NHSL1: variants seen among roughly 807,000 people sequenced by gnomAD.
NHSL1 encodes the protein NHS like 1.
Under a neutral mutation model 95.0 loss-of-function variants are expected in NHSL1, and 48 were observed. The ratio of observed to expected loss-of-function variants is 0.51; its 90% CI spans 0.40 to 0.64. The LOEUF is 0.64. Among genes scored for constraint, NHSL1 ranks in the 30% least tolerant of loss-of-function variants. The probability of loss-of-function intolerance (pLI) is 0.00; values close to 1 mark genes in which losing one functional copy is unlikely to be tolerated. For missense variants in NHSL1, 1,971 were observed against 2,077.7 expected (o/e 0.95, Z 1.00); for synonymous variants, 783 against 833.9 (o/e 0.94, Z 1.05).
intron 1 of NHSL1, among the ~76,000 whole-genome samples, chr6:138,626,866 C>T (rs1345953077): frequency 1.7e-5 from 1 of 58,980 alleles, no homozygotes; most frequent in African/African-American, 1.0e-4. Context: ...TGCACTCCAG[C>T]CTGGGCGACA....
At chr6:138,565,422 G>C (rs1367336902) in intron 1 of NHSL1, among the ~76,000 whole-genome samples, 1 of 152,004 alleles carries the variant, frequency 6.6e-6, no homozygotes, top group Non-Finnish European at 1.5e-5. Flanking sequence ...TTGTATCTTA[G>C]GAAGATCACT....
intron 1 of NHSL1, among the ~76,000 whole-genome samples, chr6:138,519,888 T>C (rs1781604595): frequency 6.6e-6 from 1 of 152,192 alleles, no homozygotes. Context: ...GAGCCATCCC[T>C]TAAAAAGTTG....
intron 2 of NHSL1, among the ~76,000 whole-genome samples, chr6:138,477,443 A>G (rs1004984979): frequency 6.6e-6 from 1 of 152,106 alleles, no homozygotes; most frequent in East Asian, 1.9e-4. Flanking sequence ...CTAGAAAAAA[A>G]TTCTTTTTAA....
In NHSL1 at chr6:138,473,316, G is replaced by A. The variant is rs948960939; in HGVS notation, c.329C>T (p.Thr110Ile). The A allele has an allele frequency of 3.9e-6, 6 of 1,544,044 alleles. No individual in the cohort carries two copies. The highest frequency in any genetic ancestry group is 5.2e-6 in the Non-Finnish European group (6 of 1,144,338). ...CDDYQDEDEETDQKCSLSSSE... is the reference protein window; with the variant it reads ...CDDYQDEDEEIDQKCSLSSSE... The stretch of plus-strand genomic sequence containing the variant: ...AACTTTGAAGCTTACCTTTTGATCT[G>A]TTTCTTCATCTTCATCTTGGTAATC... Residue 110 changes from threonine (T) to isoleucine (I), a missense_variant, in exon 3 of 8, where the codon ACA becomes ATA. Physicochemically the swap from Thr to Ile is moderately conservative, Grantham distance 89. This residue lies in a region of NHSL1 where 1,602 missense variants were observed against 1,654.5 expected (regional missense o/e 0.97). Transcript: ENST00000343505.
At chr6:138,493,454 C>G (rs1362351505) in intron 2 of NHSL1, among the ~76,000 whole-genome samples, 1 of 152,140 alleles carries the variant, frequency 6.6e-6, no homozygotes, top group Non-Finnish European at 1.5e-5. Flanking sequence ...TTCAGTTTTT[C>G]AAGGGGAGAA....
At chr6:138,654,276 A>C (rs565842689) in intron 1 of NHSL1, among the ~76,000 whole-genome samples, 102 of 152,346 alleles carry the variant, frequency 6.7e-4, no homozygotes, top group African/African-American at 2.3e-3. Context: ...GCTTGCAAAA[A>C]AAATTAACTG....
intron 2 of NHSL1, among the ~76,000 whole-genome samples, chr6:138,481,966 T>TCTAAAAGTA (rs1385337903): frequency 4.6e-5 from 7 of 152,182 alleles, no homozygotes; most frequent in African/African-American, 1.7e-4. Context: ...TTCTAAAAGT[T>TCTAAAAGTA]CTAAAAGTAA....
At position 138,552,349 on chromosome 6, in the gene NHSL1, G is replaced by A. The variant is rs547948873; in HGVS notation, c.202+19361C>T. 7.2e-5 allele frequency among the ~76,000 whole-genome samples: 11 copies of A among 152,252 alleles called. No individual in the cohort carries two copies. The South Asian group carries it at 2.1e-3, about 29-fold the overall frequency. ...GCAGGGGAATCGCTTGAACCCGGGA[G>A]GTGGAGGTTGCAGTGAGCTGAGATC... On this transcript the variant is annotated intron_variant, in intron 1 of 6. Transcript: ENST00000427025.
chr6:138,576,703 AC>A (rs1316041552), upstream of NHSL1, among the ~76,000 whole-genome samples: 1 of 152,096 alleles, frequency 6.6e-6, no homozygotes, highest in East Asian at 1.9e-4. Flanking sequence ...TTTGGCCAGC[AC>A]CCCCCTCCTT....
At chr6:138,489,903 A>G (rs1194448710) in intron 2 of NHSL1, among the ~76,000 whole-genome samples, 4 of 77,390 alleles carry the variant, frequency 5.2e-5, no homozygotes, top group Admixed American at 3.0e-4. Context: ...AGAGGGAGAG[A>G]GCGAGAGGGG....
chr6:138,666,351 A>G (rs1040188534), intron 1 of NHSL1, among the ~76,000 whole-genome samples: 36 of 152,198 alleles, frequency 2.4e-4, no homozygotes, highest in African/African-American at 8.2e-4. Context: ...CTGTAATCCC[A>G]GCACTTTGGG....
chr6:138,476,957 TAAAAAAAAAAAAAA>T (rs58311101), intron 2 of NHSL1, among the ~76,000 whole-genome samples: 13 of 100,512 alleles, frequency 1.3e-4, no homozygotes, highest in African/African-American at 4.1e-4. Flanking sequence ...TCCCTGAATC[TAAAAAAAAAAAAAA>T]AAAAAAAAAA....
intron 1 of NHSL1, among the ~76,000 whole-genome samples, chr6:138,517,475 T>C (rs892597073): frequency 4.6e-5 from 7 of 152,204 alleles, no homozygotes; most frequent in African/African-American, 1.4e-4. Context: ...ACATACATTC[T>C]GATAAAGAAC....
intron 1 of NHSL1, among the ~76,000 whole-genome samples, chr6:138,505,760 G>C (rs534261563): frequency 6.6e-6 from 1 of 151,948 alleles, no homozygotes; most frequent in Non-Finnish European, 1.5e-5. Flanking sequence ...ACATAATAGA[G>C]TTCTGCTCAG....
chr6:138,500,238 TCAAA>T (rs1235953538), upstream of NHSL1, among the ~76,000 whole-genome samples: 1 of 152,198 alleles, frequency 6.6e-6, no homozygotes, highest in East Asian at 1.9e-4. Flanking sequence ...CAATGTTGTC[TCAAA>T]CAAACATTAT....
chr6:138,527,278 T>G (rs1781946861), intron 1 of NHSL1, among the ~76,000 whole-genome samples: 1 of 151,608 alleles, frequency 6.6e-6, no homozygotes, highest in Non-Finnish European at 1.5e-5. Context: ...AAAACCACTA[T>G]GAAACACCAA....
chr6:138,528,413 G>C (rs1282369070), intron 1 of NHSL1, among the ~76,000 whole-genome samples: 1 of 152,126 alleles, frequency 6.6e-6, no homozygotes, highest in Non-Finnish European at 1.5e-5. Context: ...AGGAAGTGGA[G>C]AGTGACGATT....
chr6:138,550,860 T>C (rs1326910605), intron 1 of NHSL1, among the ~76,000 whole-genome samples: 1 of 152,166 alleles, frequency 6.6e-6, no homozygotes, highest in Admixed American at 6.5e-5. Context: ...CTATGTATCC[T>C]CTTACTCTTG....
intron 1 of NHSL1, among the ~76,000 whole-genome samples, chr6:138,641,070 C>G (rs1208399914): frequency 6.6e-6 from 1 of 152,210 alleles, no homozygotes; most frequent in South Asian, 2.1e-4. Flanking sequence ...ATTCTTGCCC[C>G]CCTTAGTTGA....
Sources: gnomAD v4.1 joint callset for allele counts (sites outside exome capture counted in the v4.1 genomes callset) on GRCh38, gnomAD v4.1.1 for gene constraint, gnomAD v4.1.1 regional missense constraint, MANE v1.5 for transcripts, NCBI Gene and HGNC (gene_info 2026-07-23, HGNC 2026-07-21) for gene names.